The following QSER1 variants were observed in gnomAD, a reference collection of about 807,000 sequenced individuals.
The protein encoded by QSER1 is glutamine and serine-rich protein 1.
A neutral mutation model predicts 158.5 loss-of-function variants in QSER1; 49 were observed. The observed-to-expected ratio is 0.31, with a 90% CI of 0.25 to 0.39. QSER1 has a LOEUF of 0.39. Ranked by LOEUF, QSER1 falls within the 10% of genes least tolerant of loss-of-function variation. The probability of loss-of-function intolerance (pLI) is 1.00; values close to 1 mark genes in which losing one functional copy is unlikely to be tolerated. For missense variants in QSER1, 1,754 were observed against 2,010.3 expected, an observed-to-expected ratio of 0.87 and a Z score of 2.44; for synonymous variants, 650 against 715.5, an observed-to-expected ratio of 0.91 and a Z score of 1.46.
chr11:32,934,517 G>C lies in QSER1; in HGVS notation c.3259G>C (p.Val1087Leu). The C allele has an allele frequency of 6.2e-7, 1 of 1,613,586 alleles. No homozygotes were observed. The highest frequency in any genetic ancestry group is 8.5e-7 in the Non-Finnish European group (1 of 1,179,976). ...ETPGQNIPTK[V>L]TSAVVGPSHE... ...ACCTGGTCAAAATATACCAACTAAA[G>C]TAACTTCAGCAGTGGTTGGACCAAG... Residue 1087 changes from valine (V) to leucine (L), a missense_variant, in exon 4 of 13, where the codon GTA (valine) becomes CTA (leucine). By Grantham distance (32) the Val-to-Leu change is conservative. Transcript: ENST00000650167.
At chr11:32,928,340 T>C (rs551565796) in intron 3 of QSER1, among the ~76,000 whole-genome samples, 2 of 152,282 alleles carry the variant, frequency 1.3e-5, no homozygotes, top group African/African-American at 4.8e-5. Flanking sequence ...AACTAGTAAG[T>C]TGACATTGAG....
At chr11:32,946,906 G>A (rs1364678151) in intron 4 of QSER1, among the ~76,000 whole-genome samples, 2 of 152,222 alleles carry the variant, frequency 1.3e-5, no homozygotes, top group Non-Finnish European at 2.9e-5. Flanking sequence ...GACCCTCCAA[G>A]CCAGGTGCGG....
At chr11:32,916,139 G>A (rs563102770) in intron 1 of QSER1, among the ~76,000 whole-genome samples, 1 of 152,258 alleles carries the variant, frequency 6.6e-6, no homozygotes, top group South Asian at 2.1e-4. Flanking sequence ...GACCTCAGGT[G>A]ATCCGCCTGC....
intron 1 of QSER1, among the ~76,000 whole-genome samples, chr11:32,908,307 C>T (rs1055430745): frequency 1.8e-4 from 28 of 152,158 alleles, no homozygotes; most frequent in Non-Finnish European, 1.0e-4. Flanking sequence ...AAGCATATGC[C>T]ATATCACCAT....
At chr11:32,904,381 G>A (rs555702356) in intron 1 of QSER1, among the ~76,000 whole-genome samples, 14 of 151,740 alleles carry the variant, frequency 9.2e-5, no homozygotes, top group South Asian at 4.2e-4. Flanking sequence ...TAGTAGAGAC[G>A]AGGTTTCACC....
At chr11:32,950,314 G>A (rs1852401706) in intron 4 of QSER1, among the ~76,000 whole-genome samples, 1 of 152,032 alleles carries the variant, frequency 6.6e-6, no homozygotes, top group Non-Finnish European at 1.5e-5. Context: ...GGCTGGTCTT[G>A]AACTCCTGAC....
At chr11:32,962,209 A>G (rs1331338903) in intron 8 of QSER1, among the ~76,000 whole-genome samples, 1 of 152,014 alleles carries the variant, frequency 6.6e-6, no homozygotes, top group Non-Finnish European at 1.5e-5. Context: ...GTGGTATCTC[A>G]TTGTGGTTTC....
intron 8 of QSER1, among the ~76,000 whole-genome samples, chr11:32,964,949 C>T (rs1328141883): frequency 6.6e-6 from 1 of 151,376 alleles, no homozygotes; most frequent in Non-Finnish European, 1.5e-5. Flanking sequence ...TGGTCTTGAA[C>T]TCCCAGGCTC....
intron 1 of QSER1, among the ~76,000 whole-genome samples, chr11:32,912,906 C>T (rs2133511409): frequency 6.6e-6 from 1 of 152,202 alleles, no homozygotes; most frequent in South Asian, 2.1e-4. Context: ...GAGCAAGTCC[C>T]TGTCTCAAAA....
chr11:32,941,386 CA>C (rs1343780158), intron 4 of QSER1, among the ~76,000 whole-genome samples: 93 of 109,792 alleles, frequency 8.5e-4, no homozygotes, highest in African/African-American at 2.2e-3. Flanking sequence ...CTCCCCCCTC[CA>C]CCCCCCACAA....
At chr11:32,915,051 G>A (rs567592311) in intron 1 of QSER1, among the ~76,000 whole-genome samples, 57 of 152,168 alleles carry the variant, frequency 3.7e-4, no homozygotes, top group African/African-American at 1.3e-3. Flanking sequence ...CCCCTGAGTA[G>A]CTTGGACTAC....
Position 32,966,331 on chromosome 11 carries a change from C to T in QSER1, c.5001C>T (p.Arg1667=), listed in dbSNP as rs747532175. 9 of 1,613,904 alleles carry T rather than the reference C, an allele frequency of 5.6e-6. No individual in the cohort carries two copies. Among genetic ancestry groups the T allele is most frequent in the Middle Eastern group, 3.3e-4 (2 of 6,084 alleles). ...EFEPPAPFVT[R]FLNTRAMKET... ...AACCTCCCGCTCCCTTTGTCACTCG[C>T]TTTTTGAACACAAGAGCAATGAAGG... Residue 1667 remains arginine, a synonymous_variant, in exon 9 of 13, where the codon CGC becomes CGT. Transcript: ENST00000650167.
Position 32,917,046 on chromosome 11 carries a change from C to T in QSER1, c.210-10111C>T, listed in dbSNP as rs375359772. Among the ~76,000 whole-genome samples the T allele has an allele frequency of 7.2e-5, 11 of 152,336 alleles. No individual in the cohort carries two copies. In the East Asian group the frequency reaches 1.2e-3, roughly 16 times the overall value. On this transcript the variant is annotated intron_variant, in intron 1 of 12. Coordinates refer to ENST00000650167, the MANE Select transcript of QSER1 (RefSeq NM_001076786.3). ...AGGTGATCCACCCACCTCGGCCTCC[C>T]GCAGTGCTGGGATTACAGGTGTGAG...
intron 1 of QSER1, among the ~76,000 whole-genome samples, chr11:32,903,630 A>G (rs951041065): frequency 2.6e-5 from 4 of 151,436 alleles, no homozygotes; most frequent in Non-Finnish European, 4.4e-5. Flanking sequence ...TGTTTGTGAG[A>G]CAGTCTTGCT....
In QSER1 at chr11:32,934,386, A is replaced by G. The variant is rs945154361; in HGVS notation, c.3128A>G (p.Gln1043Arg). The change falls in exon 4 of 13, where the codon CAG (glutamine) becomes CGG (arginine). Residue 1043 changes from glutamine (Q) to arginine (R), a missense_variant. Around this residue, in one of 2 missense-constraint regions of QSER1, gnomAD observed 1,707 missense variants for 1,919.6 expected, o/e 0.89. Transcript: ENST00000650167. ...ATGACAGCTACAGTAGGAAAGCCACAGAATATAAATGATACTTCCTTAAAT... is the reference window on the plus strand; with the variant it reads ...ATGACAGCTACAGTAGGAAAGCCACGGAATATAAATGATACTTCCTTAAAT... Reference protein sequence around the residue: ...NSMTATVGKPQNINDTSLNGN... With the variant: ...NSMTATVGKPRNINDTSLNGN... The G allele has an allele frequency of 6.2e-7, 1 of 1,613,724 alleles. No individual in the cohort carries two copies. The highest frequency in any genetic ancestry group is 1.7e-5 in the Admixed American group (1 of 59,932).
chr11:32,916,094 T>C (rs1017829939), intron 1 of QSER1, among the ~76,000 whole-genome samples: 1 of 151,944 alleles, frequency 6.6e-6, no homozygotes, highest in African/African-American at 2.4e-5. Flanking sequence ...AGAGACAGGG[T>C]TTCTCTATGT....
In QSER1 at chr11:32,893,094, C is replaced by G. The variant is rs1293749192; in HGVS notation, c.-32C>G. 4.3e-5 allele frequency: 6 copies of G among 139,416 alleles called. No individual in the cohort carries two copies. Among genetic ancestry groups the G allele is most frequent in the Non-Finnish European group, 9.5e-5 (6 of 63,392 alleles). 8.6% of individuals were successfully genotyped at this position (139,416 alleles called of 1,614,324 possible). A position where few individuals can be genotyped will look rare whatever the true frequency, so the allele number is the denominator to read the frequency against. ...ACACGGAGCCCTGGAGGATCCCCCG[C>G]TGCTGCCCGCCCTCCCTACGCCACC... On this transcript the variant is annotated 5_prime_UTR_variant, in exon 1 of 13. Coordinates refer to ENST00000650167, the MANE Select transcript of QSER1 (RefSeq NM_001076786.3). This position sits in a 1 kb window ranked among gnomAD's most constrained non-coding sequence, Gnocchi z 4.7.
In QSER1 at chr11:32,934,221, C is replaced by T. The variant is rs1852102055; in HGVS notation, c.2963C>T (p.Ala988Val). ...SNVDDILAAT[A>V]AACGVTPTDF... ...GTAGATGATATCTTAGCAGCTACAG[C>T]AGCAGCTTGTGGAGTTACACCTACT... is the stretch of plus-strand genomic sequence containing the variant. Residue 988 changes from alanine to valine, a missense_variant, in exon 4 of 13, where the codon GCA (alanine) becomes GTA (valine). This residue lies in a region of QSER1 where 1,707 missense variants were observed against 1,919.6 expected (regional missense o/e 0.89). Coordinates refer to ENST00000650167, the MANE Select transcript of QSER1 (RefSeq NM_001076786.3). 6.2e-7 allele frequency: 1 copy of T among 1,613,784 alleles called. No homozygotes were observed. Among genetic ancestry groups the T allele is most frequent in the Admixed American group, 1.7e-5 (1 of 59,966 alleles).
rs1322420408 is a variant in QSER1, at chr11:32,976,266, A to G, written c.5455-68A>G. 3.1e-6 allele frequency: 4 copies of G among 1,298,022 alleles called. No homozygotes were observed. In the South Asian group the frequency reaches 5.0e-5, roughly 16 times the overall value. 80.4% of individuals were successfully genotyped at this position (1,298,022 alleles called of 1,614,324 possible). ...AGGATTAAGAAAAAAATAAAATACC[A>G]GTACTTGTAGTTGAACTTAAATATG... On this transcript the variant is annotated intron_variant, in intron 12 of 12. Transcript: ENST00000650167.
Sources: gnomAD v4.1 joint callset for allele counts (sites outside exome capture counted in the v4.1 genomes callset) on GRCh38, gnomAD v4.1.1 for gene constraint, gnomAD v4.1.1 regional missense constraint, Gnocchi (gnomAD v3.1) non-coding constraint, MANE v1.5 for transcripts, NCBI Gene and HGNC (gene_info 2026-07-23, HGNC 2026-07-21) for gene names.